Variants in ASMTL observed in about 807,000 individuals in gnomAD.
The protein encoded by ASMTL is probable bifunctional dTTP/UTP pyrophosphatase/methyltransferase protein.
ASMTL carries 57 observed loss-of-function variants against 60.3 expected under a neutral mutation model. The observed-to-expected ratio is 0.95, with a 90% CI of 0.76 to 1.18. The LOEUF (loss-of-function observed/expected upper bound fraction) is 1.18. Among genes scored for constraint, ASMTL ranks in the 50% most tolerant of loss-of-function variants. ASMTL has a pLI of 0.00. For synonymous variants in ASMTL, 419 were observed against 373.0 expected (o/e 1.12, Z -1.42); for missense variants, 981 against 852.6 (o/e 1.15, Z -1.88).
Position 1,418,138 on chromosome X carries a change from C to T in ASMTL, c.1379-22G>A, listed in dbSNP as rs758319495. On this transcript the variant is annotated intron_variant, in intron 10 of 12. Transcript: ENST00000381317. ...CAGCCTGCGGGGAAGCAAATGCATG[C>T]TCTGTGGCTGGGTCGTCTATGGAAC... 8 of 1,577,002 alleles carry T rather than the reference C, an allele frequency of 5.1e-6. No homozygotes were observed. The East Asian group carries it at 1.1e-4, about 22-fold the overall frequency.
At chrX:1,412,309 T>C (rs1328036118) in intron 12 of ASMTL, among the ~76,000 whole-genome samples, 4 of 151,960 alleles carry the variant, frequency 2.6e-5, no homozygotes, top group Non-Finnish European at 4.4e-5. Flanking sequence ...CTCACTGCAG[T>C]CTCCAGCTCC....
intron 1 of ASMTL, among the ~76,000 whole-genome samples, chrX:1,444,573 T>C (rs2149345459): frequency 6.6e-6 from 1 of 152,220 alleles, no homozygotes; most frequent in African/African-American, 2.4e-5. Flanking sequence ...CCAGGACAGG[T>C]GTTACGGACA....
chrX:1,435,025 T>C lies in ASMTL; in HGVS notation c.397A>G (p.Lys133Glu). The C allele has an allele frequency of 6.2e-7, 1 of 1,613,870 alleles. No individual in the cohort carries two copies. ...TGVAIVHCSS[K>E]DHQLDTRVSE... ...CCGAAACCTGGGCCGCGGTTACCTT[T>C]GCTGGAGCAGTGGACGATCGCGACA... The change falls in exon 5 of 13, where the codon AAA (lysine) becomes GAA (glutamate). Residue 133 changes from lysine (K) to glutamate (E), a missense_variant. Physicochemically the swap from Lys to Glu is moderately conservative, Grantham distance 56. Coordinates refer to ENST00000381317, the MANE Select transcript of ASMTL (RefSeq NM_004192.4).
intron 3 of ASMTL, among the ~76,000 whole-genome samples, chrX:1,437,264 G>A (rs181422757): frequency 0.012 from 1,828 of 151,744 alleles, 25 homozygotes; most frequent in African/African-American, 0.041. Context: ...TGTCCTCACA[G>A]GGTCATCCCT....
At chrX:1,411,988 T>C (rs5949001) in intron 12 of ASMTL, among the ~76,000 whole-genome samples, 4 of 151,386 alleles carry the variant, frequency 2.6e-5, no homozygotes, top group African/African-American at 7.3e-5. Context: ...ATTTTTTGTG[T>C]TTGTTTTTAA....
chrX:1,451,518 C>T (rs1457116558), intron 1 of ASMTL, among the ~76,000 whole-genome samples: 1 of 148,790 alleles, frequency 6.7e-6, no homozygotes, highest in African/African-American at 2.5e-5. Flanking sequence ...GGCTTACTCT[C>T]CCCTCCCCCA....
Position 1,426,851 on chromosome X carries a change from C to A in ASMTL, c.897+883G>T, listed in dbSNP as rs192399646. Among the ~76,000 whole-genome samples the A allele has an allele frequency of 2.5e-4, 38 of 152,078 alleles. No homozygotes were observed. In the East Asian group the frequency reaches 5.2e-3, roughly 21 times the overall value. On this transcript the variant is annotated intron_variant, in intron 7 of 12. Transcript: ENST00000381317. ...CAGATTCTGGGGATCAGGCTATGAA[C>A]AGATCTTTCAGGAGGACCACAGTTA... is the stretch of plus-strand genomic sequence containing the variant.
intron 12 of ASMTL, among the ~76,000 whole-genome samples, chrX:1,406,548 A>T (rs2089852077): frequency 6.8e-6 from 1 of 146,280 alleles, no homozygotes; most frequent in South Asian, 2.2e-4. Flanking sequence ...ATGGGTAGGT[A>T]GGTGGATGGA....
intron 1 of ASMTL, among the ~76,000 whole-genome samples, chrX:1,445,190 G>C (rs751253269): frequency 6.6e-6 from 1 of 152,260 alleles, no homozygotes; most frequent in East Asian, 1.9e-4. Context: ...AGCTAGAAGC[G>C]ATCTTGAGGG....
intron 7 of ASMTL, among the ~76,000 whole-genome samples, chrX:1,426,115 G>GAC (rs1157241555): frequency 6.6e-6 from 1 of 151,964 alleles, no homozygotes; most frequent in East Asian, 1.9e-4. Context: ...TGAGGACACA[G>GAC]ACACACACAC....
At chrX:1,415,395 C>T (rs1169909129) in intron 11 of ASMTL, among the ~76,000 whole-genome samples, 1 of 151,150 alleles carries the variant, frequency 6.6e-6, no homozygotes, top group Non-Finnish European at 1.5e-5. Flanking sequence ...CCTCACGTCT[C>T]GGCTACTTGC....
In ASMTL at chrX:1,403,339, A is replaced by T. The variant is rs1276061381; in HGVS notation, c.1796T>A (p.Phe599Tyr). The change falls in exon 13 of 13, where the codon TTC becomes TAC. Residue 599 changes from phenylalanine (F) to tyrosine (Y), a missense_variant. Coordinates refer to ENST00000381317, the MANE Select transcript of ASMTL (RefSeq NM_004192.4). ...CAAGTGCACCACCTGCACCTGGTGG[A>T]AGCCGTGCAGCTCCAGCAAGCACTG... ...EYQCLLELHG[F>Y]HQVQVVHLGG... is the part of the protein sequence containing the mutation. 3 of 1,613,230 alleles carry T rather than the reference A, an allele frequency of 1.9e-6. No individual in the cohort carries two copies. In the Admixed American group the frequency reaches 5.0e-5, roughly 27 times the overall value.
upstream of ASMTL, among the ~76,000 whole-genome samples, chrX:1,453,154 C>A (rs1224937509): frequency 2.7e-5 from 4 of 150,560 alleles, no homozygotes; most frequent in East Asian, 3.9e-4. Context: ...CCTCCATTGC[C>A]CTCTCCGTCA....
intron 12 of ASMTL, among the ~76,000 whole-genome samples, chrX:1,406,882 G>A (rs2089871777): frequency 6.6e-6 from 1 of 150,434 alleles, no homozygotes; most frequent in Non-Finnish European, 1.5e-5. Flanking sequence ...GGATGGATGG[G>A]TGAATAGATG....
chrX:1,411,552 C>T (rs1171402824), intron 12 of ASMTL, among the ~76,000 whole-genome samples: 1 of 151,090 alleles, frequency 6.6e-6, no homozygotes. Flanking sequence ...GATGTGAAGG[C>T]TTTGAGCCGA....
intron 11 of ASMTL, among the ~76,000 whole-genome samples, chrX:1,416,936 G>A (rs1326739397): frequency 2.0e-5 from 3 of 149,004 alleles, no homozygotes; most frequent in Non-Finnish European, 4.5e-5. Context: ...ACACACACAC[G>A]GACTCAGACA....
At position 1,419,098 on chromosome X, in the gene ASMTL, CT is replaced by C. The variant is rs1390016427; in HGVS notation, c.1261del (p.Ser421AlafsTer6). 6.2e-7 allele frequency: 1 copy of C among 1,611,190 alleles called. No homozygotes were observed. Among genetic ancestry groups the C allele is most frequent in the East Asian group, 2.2e-5 (1 of 44,850 alleles). On this transcript the variant is annotated frameshift_variant, in exon 10 of 13. Transcript: ENST00000381317. LOFTEE classifies it high-confidence loss of function. ...EDLFQDAYYQ[S>X]PETRLRFMRA... ...CATGAACCTCAGCCGCGTCTCCGGG[CT>C]CTGGTAGTACGCATCCTGGAACACA... is the stretch of plus-strand genomic sequence containing the variant.
At chrX:1,451,987 T>C (rs2091402864) in intron 1 of ASMTL, among the ~76,000 whole-genome samples, 1 of 136,330 alleles carries the variant, frequency 7.3e-6, no homozygotes, top group South Asian at 2.6e-4. Context: ...CCCACCCCCA[T>C]CGCTAGGGGG....
intron 1 of ASMTL, among the ~76,000 whole-genome samples, chrX:1,449,524 C>G (rs2091302052): frequency 6.6e-6 from 1 of 151,910 alleles, no homozygotes. Context: ...GGTACCAGAC[C>G]TCCAGTCCGT....
Sources: allele counts gnomAD v4.1 joint callset (sites outside exome capture counted in the v4.1 genomes callset), GRCh38; gene constraint gnomAD v4.1.1; transcripts MANE v1.5; gene names NCBI Gene and HGNC (gene_info 2026-07-23, HGNC 2026-07-21).